DIS3L2: variants seen among roughly 807,000 people sequenced by gnomAD.
DIS3L2 encodes the protein DIS3-like exonuclease 2.
DIS3L2 carries 34 observed loss-of-function variants against 97.5 expected under a neutral mutation model. The ratio of observed to expected loss-of-function variants is 0.35; its 90% CI spans 0.27 to 0.46. The LOEUF (loss-of-function observed/expected upper bound fraction) is 0.46, where lower values mean the gene tolerates loss of function less well. Ranked by LOEUF, DIS3L2 falls within the 20% of genes least tolerant of loss-of-function variation. DIS3L2 has a pLI of 1.00. For synonymous variants in DIS3L2, 435 were observed against 445.2 expected, an observed-to-expected ratio of 0.98 and a Z score of 0.29; for missense variants, 1,038 against 1,146.0, an observed-to-expected ratio of 0.91 and a Z score of 1.36.
intron 13 of DIS3L2, among the ~76,000 whole-genome samples, chr2:232,290,768 C>T (rs192198605): frequency 3.6e-4 from 55 of 152,308 alleles, no homozygotes; most frequent in African/African-American, 1.3e-3. Context: ...GGTTTACAGA[C>T]GGCGCTGCAG....
At chr2:232,300,991 G>A (rs1230246652) in intron 14 of DIS3L2, among the ~76,000 whole-genome samples, 3 of 152,110 alleles carry the variant, frequency 2.0e-5, no homozygotes, top group Non-Finnish European at 4.4e-5. Context: ...TCGTTTGTGA[G>A]ACAGTGAAAG....
At chr2:232,163,711 C>A in intron 9 of DIS3L2, 79 bp downstream of exon 9, 1 of 1,450,312 alleles carries the variant, frequency 6.9e-7, no homozygotes, top group Non-Finnish European at 9.2e-7. Context: ...TAGATGTTTT[C>A]ATCTTTCCAC....
In DIS3L2 at chr2:232,097,767, G is replaced by C. The variant is rs578035180; in HGVS notation, c.601+10046G>C. On this transcript the variant is annotated intron_variant, in intron 6 of 20. Transcript: ENST00000325385. ...CCCTGAGGCCGAGCTGGTACCTAAG[G>C]TGCAAGACAAAGTCTTCCTTTCTTT... 1.2e-4 allele frequency among the ~76,000 whole-genome samples: 18 copies of C among 152,274 alleles called. No homozygotes were observed. The South Asian group carries it at 3.1e-3, about 26-fold the overall frequency.
intron 1 of DIS3L2, among the ~76,000 whole-genome samples, chr2:232,007,608 A>G (rs1217109477): frequency 6.6e-6 from 1 of 152,174 alleles, no homozygotes; most frequent in African/African-American, 2.4e-5. Flanking sequence ...CAAAGTGAAG[A>G]ACACTTTCAC....
intron 5 of DIS3L2, among the ~76,000 whole-genome samples, chr2:232,085,050 A>G (rs1181226189): frequency 1.3e-5 from 2 of 152,156 alleles, no homozygotes; most frequent in Admixed American, 1.3e-4. Flanking sequence ...ATCTTTCACT[A>G]AGCATGATCT....
intron 1 of DIS3L2, among the ~76,000 whole-genome samples, chr2:231,992,517 C>A (rs13384621): frequency 0.075 from 11,375 of 152,162 alleles, 852 homozygotes; most frequent in African/African-American, 0.19. Flanking sequence ...TTGCTTCCAC[C>A]TTTCCCGCTT....
chr2:232,126,229 A>G (rs1183189675), intron 6 of DIS3L2, among the ~76,000 whole-genome samples: 3 of 152,228 alleles, frequency 2.0e-5, no homozygotes, highest in Non-Finnish European at 2.9e-5. Context: ...CCTGGCATTT[A>G]TAATGCTTTA....
At chr2:231,984,771 C>T (rs1693365672) in intron 1 of DIS3L2, among the ~76,000 whole-genome samples, 1 of 152,054 alleles carries the variant, frequency 6.6e-6, no homozygotes, top group Non-Finnish European at 1.5e-5. Flanking sequence ...ATGCGTGCGC[C>T]ACGGCACCCA....
chr2:231,992,964 G>A (rs754976824), intron 1 of DIS3L2, among the ~76,000 whole-genome samples: 3 of 151,552 alleles, frequency 2.0e-5, no homozygotes, highest in Non-Finnish European at 2.9e-5. Context: ...TTTTTTTCTC[G>A]ATATTCTTCC....
At chr2:232,074,633 C>T (rs1352889563) in intron 5 of DIS3L2, among the ~76,000 whole-genome samples, 3 of 145,746 alleles carry the variant, frequency 2.1e-5, no homozygotes, top group East Asian at 4.1e-4. Flanking sequence ...AGGTTCACCA[C>T]GTGAGCAGTG....
chr2:232,014,688 T>C (rs1694303609), intron 1 of DIS3L2, 147 bp from the exon 2 acceptor site: 4 of 433,526 alleles, frequency 9.2e-6, no homozygotes, highest in Non-Finnish European at 1.6e-5. Context: ...ACAGATGGTG[T>C]GCTTGACTAA....
At chr2:232,343,540 A>C (rs1575034539) in exon 14 of DIS3L2, 2 of 1,565,236 alleles carry the variant, frequency 1.3e-6, no homozygotes, top group Non-Finnish European at 1.7e-6. Flanking sequence ...AAACACGATA[A>C]GAGTAGAGGA....
chr2:232,333,619 T>C (rs1292062045), intron 16 of DIS3L2, among the ~76,000 whole-genome samples: 3 of 152,176 alleles, frequency 2.0e-5, no homozygotes, highest in Non-Finnish European at 2.9e-5. Flanking sequence ...GGAAAGGACA[T>C]GGGTACCCCT....
At chr2:232,120,056 A>G (rs369962512) in intron 6 of DIS3L2, among the ~76,000 whole-genome samples, 1 of 152,004 alleles carries the variant, frequency 6.6e-6, no homozygotes, top group African/African-American at 2.4e-5. Flanking sequence ...AGATGATGTT[A>G]TCATAGAATT....
chr2:232,032,488 A>C (rs545531086), intron 5 of DIS3L2, among the ~76,000 whole-genome samples: 1 of 152,308 alleles, frequency 6.6e-6, no homozygotes, highest in East Asian at 1.9e-4. Flanking sequence ...TTTGCTGTGC[A>C]GAAGCTCTTT....
At chr2:232,294,838 A>G (rs1694685543) in intron 13 of DIS3L2, among the ~76,000 whole-genome samples, 1 of 152,236 alleles carries the variant, frequency 6.6e-6, no homozygotes, top group African/African-American at 2.4e-5. Context: ...GGATTAAATA[A>G]GATCAGCGTG....
Position 232,263,216 on chromosome 2 carries a change from G to A in DIS3L2, c.1435G>A (p.Glu479Lys), listed in dbSNP as rs2106280935. 6.2e-7 allele frequency: 1 copy of A among 1,614,192 alleles called. No homozygotes were observed. Among genetic ancestry groups the A allele is most frequent in the Non-Finnish European group, 8.5e-7 (1 of 1,180,012 alleles). The change falls in exon 13 of 21, where the codon GAA becomes AAA. Residue 479 changes from glutamate (E) to lysine (K), a missense_variant. Physicochemically the swap from Glu to Lys is moderately conservative, Grantham distance 56 (BLOSUM62 1). Coordinates refer to ENST00000325385, the MANE Select transcript of DIS3L2 (RefSeq NM_152383.5). ...CTGTCCATCTTTGCAGATCCTTGATGAATGGTTTGGCCGGACCATCATCCG... is the reference window on the plus strand; with the variant it reads ...CTGTCCATCTTTGCAGATCCTTGATAAATGGTTTGGCCGGACCATCATCCG... ...TLTPEGKILD[E>K]WFGRTIIRSC...
chr2:232,192,161 A>G (rs953624600), intron 9 of DIS3L2, among the ~76,000 whole-genome samples: 1 of 152,234 alleles, frequency 6.6e-6, no homozygotes, highest in African/African-American at 2.4e-5. Flanking sequence ...AATGGGGTAT[A>G]TATTTATATA....
intron 1 of DIS3L2, among the ~76,000 whole-genome samples, chr2:231,979,523 A>C (rs925503552): frequency 6.6e-6 from 1 of 152,078 alleles, no homozygotes; most frequent in Non-Finnish European, 1.5e-5. Context: ...TCCCAAGGCC[A>C]CTGTGCCAGG....
Sources: gnomAD v4.1 joint callset for allele counts (sites outside exome capture counted in the v4.1 genomes callset) on GRCh38, gnomAD v4.1.1 for gene constraint, MANE v1.5 for transcripts, NCBI Gene and HGNC (gene_info 2026-07-23, HGNC 2026-07-21) for gene names.